NCAM1: variants seen among roughly 807,000 people sequenced by gnomAD.
NCAM1 encodes the protein neural cell adhesion molecule 1.
In NCAM1, 14 loss-of-function variants were observed where a neutral mutation model predicts 109.8. That is an observed-to-expected ratio of 0.13 (90% CI 0.08 to 0.20). The LOEUF (loss-of-function observed/expected upper bound fraction) is 0.20. NCAM1 is among the 10% of genes least tolerant of loss of function. The pLI is 1.00. For missense variants in NCAM1, 774 were observed against 1,109.9 expected (o/e 0.70, Z 4.30); for synonymous variants, 418 against 442.9 (o/e 0.94, Z 0.70).
chr11:113,113,599 T>C (rs7950135), intron 1 of NCAM1, among the ~76,000 whole-genome samples: 15,170 of 152,182 alleles, frequency 0.1, 1,315 homozygotes, highest in Admixed American at 0.18. Flanking sequence ...ATCTGTGGAC[T>C]GGTGGGTTCC....
intron 1 of NCAM1, among the ~76,000 whole-genome samples, chr11:113,154,847 A>G (rs1942353382): frequency 6.6e-6 from 1 of 152,194 alleles, no homozygotes; most frequent in African/African-American, 2.4e-5. Flanking sequence ...CACCTAGGGG[A>G]GAACCCCTGA....
chr11:113,042,501 G>A (rs1555080112), intron 1 of NCAM1, among the ~76,000 whole-genome samples: 1 of 152,296 alleles, frequency 6.6e-6, no homozygotes. Flanking sequence ...CCCGAATGCA[G>A]GTGTTCTTGA....
chr11:113,103,393 T>C (rs1939962540), intron 1 of NCAM1, among the ~76,000 whole-genome samples: 1 of 152,226 alleles, frequency 6.6e-6, no homozygotes, highest in South Asian at 2.1e-4. Flanking sequence ...AAATGCTAAT[T>C]TGTGGGCAGC....
intron 1 of NCAM1, among the ~76,000 whole-genome samples, chr11:113,128,093 G>A (rs921593228): frequency 3.9e-5 from 6 of 152,176 alleles, no homozygotes; most frequent in African/African-American, 1.4e-4. Flanking sequence ...GCTGGTGTCT[G>A]TTTTATTACT....
intron 1 of NCAM1, among the ~76,000 whole-genome samples, chr11:113,058,308 G>C (rs1555082929): frequency 6.6e-6 from 1 of 152,074 alleles, no homozygotes; most frequent in Non-Finnish European, 1.5e-5. Context: ...AAAAAGAAAA[G>C]ACATGGATGT....
intron 1 of NCAM1, among the ~76,000 whole-genome samples, chr11:112,976,484 G>A (rs2155287): frequency 0.16 from 23,613 of 151,892 alleles, 1,960 homozygotes; most frequent in African/African-American, 0.21. Context: ...CCTACAGATT[G>A]ATTTGGTGGG....
chr11:113,142,797 G>A (rs538268125), intron 1 of NCAM1, among the ~76,000 whole-genome samples: 1 of 152,170 alleles, frequency 6.6e-6, no homozygotes, highest in South Asian at 2.1e-4. Context: ...GCAATTTAGA[G>A]TTAGGATACT....
At chr11:113,091,641 A>G (rs1939348113) in intron 1 of NCAM1, among the ~76,000 whole-genome samples, 1 of 152,248 alleles carries the variant, frequency 6.6e-6, no homozygotes, top group Non-Finnish European at 1.5e-5. Context: ...GGCATGACTC[A>G]TAAAGGAAGC....
At chr11:113,005,473 G>T (rs944643173) in intron 1 of NCAM1, among the ~76,000 whole-genome samples, 1 of 152,132 alleles carries the variant, frequency 6.6e-6, no homozygotes, top group Non-Finnish European at 1.5e-5. Context: ...GCTTTGCTCT[G>T]GTGTTCTGGG....
At chr11:113,202,332 G>GTTTT in intron 1 of NCAM1, 47 bp from the exon 2 acceptor site, 1 of 1,383,914 alleles carries the variant, frequency 7.2e-7, no homozygotes, top group South Asian at 1.3e-5. Flanking sequence ...AACTTTGTGG[G>GTTTT]TTTTTTTTTG....
intron 1 of NCAM1, among the ~76,000 whole-genome samples, chr11:112,991,669 C>A (rs1555070606): frequency 6.6e-6 from 1 of 152,142 alleles, no homozygotes; most frequent in African/African-American, 2.4e-5. Context: ...CTCTGGGACT[C>A]CCGAATTTTA....
At chr11:113,053,983 T>G (rs1427657084) in intron 1 of NCAM1, among the ~76,000 whole-genome samples, 2 of 152,208 alleles carry the variant, frequency 1.3e-5, no homozygotes, top group Non-Finnish European at 2.9e-5. Context: ...TGCCATGCTG[T>G]GTTCAGAATC....
At chr11:113,062,635 G>T (rs1174827139) in intron 1 of NCAM1, among the ~76,000 whole-genome samples, 2 of 152,076 alleles carry the variant, frequency 1.3e-5, no homozygotes, top group East Asian at 1.9e-4. Flanking sequence ...TTCACAGAGG[G>T]GTCAGGGACG....
At chr11:113,037,593 G>C (rs1952934435) in intron 1 of NCAM1, among the ~76,000 whole-genome samples, 1 of 152,178 alleles carries the variant, frequency 6.6e-6, no homozygotes, top group Admixed American at 6.5e-5. Context: ...CTGCTGGTTT[G>C]GATTGAATTG....
intron 1 of NCAM1, among the ~76,000 whole-genome samples, chr11:112,970,507 A>C (rs970605474): frequency 2.0e-5 from 3 of 152,188 alleles, no homozygotes; most frequent in African/African-American, 7.2e-5. Context: ...TATGCGGGGA[A>C]AGGACACCAT....
At chr11:113,033,010 C>G (rs1952768559) in intron 1 of NCAM1, among the ~76,000 whole-genome samples, 1 of 152,206 alleles carries the variant, frequency 6.6e-6, no homozygotes, top group African/African-American at 2.4e-5. Flanking sequence ...AATTTGATTG[C>G]ATGGCTTTTA....
At chr11:113,101,930 G>A (rs1184939693) in intron 1 of NCAM1, among the ~76,000 whole-genome samples, 1 of 152,122 alleles carries the variant, frequency 6.6e-6, no homozygotes, top group African/African-American at 2.4e-5. Context: ...TTCTTTGTTT[G>A]CATACATTAG....
At chr11:113,161,504 A>G (rs541718856) in intron 1 of NCAM1, among the ~76,000 whole-genome samples, 5 of 152,258 alleles carry the variant, frequency 3.3e-5, no homozygotes, top group Admixed American at 2.0e-4. Flanking sequence ...GGGCTCCCTT[A>G]TCCTGATTCT....
intron 1 of NCAM1, among the ~76,000 whole-genome samples, chr11:112,978,359 A>T (rs1951063855): frequency 1.3e-5 from 2 of 151,972 alleles, no homozygotes; most frequent in South Asian, 4.1e-4. Context: ...AATGCCTGGA[A>T]GATATTTGTC....
Sources: gnomAD v4.1 joint callset for allele counts (sites outside exome capture counted in the v4.1 genomes callset) on GRCh38, gnomAD v4.1.1 for gene constraint, MANE v1.5 for transcripts, NCBI Gene and HGNC (gene_info 2026-07-23, HGNC 2026-07-21) for gene names.